TMEM178B: variants seen among roughly 807,000 people sequenced by gnomAD.
The protein encoded by TMEM178B is transmembrane protein 178B.
A neutral mutation model predicts 31.0 loss-of-function variants in TMEM178B; 5 were observed. The observed-to-expected ratio is 0.16, with a 90% CI of 0.08 to 0.34. The LOEUF is 0.34. TMEM178B is among the 10% of genes least tolerant of loss of function. The pLI, the probability that TMEM178B is intolerant of heterozygous loss-of-function variation, is 1.00. For missense variants in TMEM178B, 275 were observed against 400.3 expected (o/e 0.69, Z 2.67); for synonymous variants, 164 against 164.0 (o/e 1.00, Z 0.00).
intron 1 of TMEM178B, among the ~76,000 whole-genome samples, chr7:141,142,263 A>AT (rs1795782875): frequency 7.3e-6 from 1 of 136,114 alleles, no homozygotes. Flanking sequence ...ATTCCGTGGC[A>AT]TATATGTACC....
chr7:141,385,283 A>G (rs1367887269), intron 2 of TMEM178B, among the ~76,000 whole-genome samples: 1 of 152,206 alleles, frequency 6.6e-6, no homozygotes, highest in Non-Finnish European at 1.5e-5. Flanking sequence ...GTATGTTGAA[A>G]GAATAACCGT....
At chr7:141,291,925 CATT>C (rs754136336) in intron 2 of TMEM178B, among the ~76,000 whole-genome samples, 22 of 58,240 alleles carry the variant, frequency 3.8e-4, no homozygotes, top group African/African-American at 1.4e-3. Flanking sequence ...TCATAGAGAT[CATT>C]TTTTTTTTTT....
At chr7:141,411,829 C>T (rs1800995522) in intron 2 of TMEM178B, among the ~76,000 whole-genome samples, 1 of 152,202 alleles carries the variant, frequency 6.6e-6, no homozygotes, top group Non-Finnish European at 1.5e-5. Flanking sequence ...AGGAATCCAG[C>T]ATCTTTTGAT....
At chr7:141,388,080 C>T (rs750759397) in intron 2 of TMEM178B, among the ~76,000 whole-genome samples, 30 of 152,196 alleles carry the variant, frequency 2.0e-4, no homozygotes, top group Non-Finnish European at 3.5e-4. Flanking sequence ...CCGCAGATGA[C>T]ATTATACGAC....
intron 1 of TMEM178B, among the ~76,000 whole-genome samples, chr7:141,099,868 C>T (rs1188745910): frequency 2.1e-5 from 3 of 141,218 alleles, no homozygotes; most frequent in South Asian, 2.2e-4. Flanking sequence ...CTGGCTTTGT[C>T]GTCCAGGCTG....
intron 2 of TMEM178B, among the ~76,000 whole-genome samples, chr7:141,399,535 A>G (rs765658544): frequency 6.6e-6 from 1 of 152,182 alleles, no homozygotes; most frequent in Non-Finnish European, 1.5e-5. Context: ...GTCTATGGTA[A>G]TGAAATGTTC....
the TMEM178B span, among the ~76,000 whole-genome samples, chr7:141,499,385 T>C: frequency 7.0e-6 from 1 of 142,344 alleles, no homozygotes; most frequent in Middle Eastern, 4.3e-3. Flanking sequence ...CTCAGCACTT[T>C]GGGAGGCCAA....
intron 2 of TMEM178B, among the ~76,000 whole-genome samples, chr7:141,363,040 C>T (rs1247397098): frequency 1.3e-5 from 2 of 152,174 alleles, no homozygotes; most frequent in African/African-American, 2.4e-5. Context: ...AGGCCGAGAG[C>T]TCCCATGCCA....
At chr7:141,301,947 TG>T (rs1798734830) in intron 2 of TMEM178B, among the ~76,000 whole-genome samples, 1 of 152,150 alleles carries the variant, frequency 6.6e-6, no homozygotes, top group Non-Finnish European at 1.5e-5. Context: ...AAGTTGAGGC[TG>T]GGTACAGTAA....
At chr7:141,464,604 G>T (rs901008259) in intron 3 of TMEM178B, among the ~76,000 whole-genome samples, 3 of 152,050 alleles carry the variant, frequency 2.0e-5, no homozygotes, top group African/African-American at 7.2e-5. Flanking sequence ...ATTCTTAAGG[G>T]CAGGGATCAT....
the TMEM178B span, among the ~76,000 whole-genome samples, chr7:141,495,172 G>A: frequency 1.3e-5 from 2 of 152,298 alleles, no homozygotes; most frequent in South Asian, 2.1e-4. Context: ...TTTCAGAGCA[G>A]ACATGGGGAT....
At chr7:141,397,198 C>T (rs1402284898) in intron 2 of TMEM178B, among the ~76,000 whole-genome samples, 1 of 152,188 alleles carries the variant, frequency 6.6e-6, no homozygotes, top group Non-Finnish European at 1.5e-5. Flanking sequence ...TTAACTGTTT[C>T]ATCCAGCTTC....
At chr7:141,279,103 G>A (rs557034786) in intron 2 of TMEM178B, among the ~76,000 whole-genome samples, 2 of 152,216 alleles carry the variant, frequency 1.3e-5, no homozygotes, top group African/African-American at 2.4e-5. Flanking sequence ...TATGCTGACC[G>A]TCGATGGGTC....
At chr7:141,410,201 A>T (rs1026832664) in intron 2 of TMEM178B, among the ~76,000 whole-genome samples, 2 of 152,154 alleles carry the variant, frequency 1.3e-5, no homozygotes, top group African/African-American at 4.8e-5. Flanking sequence ...GCCTTCATGG[A>T]CTTCAGCGGG....
chr7:141,159,613 C>A (rs1308130729), intron 1 of TMEM178B, among the ~76,000 whole-genome samples: 1 of 152,184 alleles, frequency 6.6e-6, no homozygotes, highest in Non-Finnish European at 1.5e-5. Flanking sequence ...GAATATTATT[C>A]CATCTCAGAA....
chr7:141,227,248 C>T (rs1797360144), intron 2 of TMEM178B, among the ~76,000 whole-genome samples: 2 of 152,148 alleles, frequency 1.3e-5, no homozygotes, highest in Admixed American at 6.5e-5. Context: ...GGATAACTGG[C>T]CAGGAATAGT....
intron 2 of TMEM178B, among the ~76,000 whole-genome samples, chr7:141,304,354 G>C (rs1163501791): frequency 1.3e-5 from 2 of 152,056 alleles, no homozygotes. Flanking sequence ...CTTCTGAATG[G>C]GTTCTATGCT....
At chr7:141,495,771 T>C in the TMEM178B span, among the ~76,000 whole-genome samples, 1 of 152,212 alleles carries the variant, frequency 6.6e-6, no homozygotes, top group East Asian at 1.9e-4. Context: ...GTGTTGGTTA[T>C]AGAAAGACGT....
At chr7:141,257,106 A>T (rs1004242441) in intron 2 of TMEM178B, among the ~76,000 whole-genome samples, 1 of 152,190 alleles carries the variant, frequency 6.6e-6, no homozygotes, top group Non-Finnish European at 1.5e-5. Flanking sequence ...AAGAAAGGAG[A>T]CTAAAAAGGA....
Sources: gnomAD v4.1 joint callset for allele counts (sites outside exome capture counted in the v4.1 genomes callset) on GRCh38, gnomAD v4.1.1 for gene constraint, MANE v1.5 for transcripts, NCBI Gene and HGNC (gene_info 2026-07-23, HGNC 2026-07-21) for gene names.